Variants in GALNT7 observed in about 807,000 individuals in gnomAD.
GALNT7 encodes N-acetylgalactosaminyltransferase 7.
In GALNT7, 60 loss-of-function variants were observed where a neutral mutation model predicts 82.1. The observed-to-expected ratio is 0.73, with a 90% CI of 0.59 to 0.91. GALNT7 has a LOEUF of 0.91. Among genes scored for constraint, GALNT7 ranks in the 40% least tolerant of loss-of-function variants. The pLI, the probability that GALNT7 is intolerant of heterozygous loss-of-function variation, is 0.00. For missense variants in GALNT7, 660 were observed against 804.2 expected (o/e 0.82, Z 2.17); for synonymous variants, 243 against 275.1 (o/e 0.88, Z 1.15).
chr4:173,299,406 C>T (rs1299068158), intron 6 of GALNT7, among the ~76,000 whole-genome samples: 4 of 152,074 alleles, frequency 2.6e-5, no homozygotes, highest in Non-Finnish European at 5.9e-5. Flanking sequence ...ATTTATATTT[C>T]TGTTAATTCC....
intron 2 of GALNT7, among the ~76,000 whole-genome samples, chr4:173,252,814 G>C (rs1052017320): frequency 5.3e-5 from 8 of 152,166 alleles, no homozygotes; most frequent in African/African-American, 1.9e-4. Context: ...AGGAAAGAAT[G>C]CCATAATGTA....
chr4:173,297,978 G>T, intron 5 of GALNT7, 137 bp from the exon 6 acceptor site: 1 of 1,489,028 alleles, frequency 6.7e-7, no homozygotes, highest in African/African-American at 1.4e-5. Context: ...AACCTTATCG[G>T]TAAAGACTAT....
intron 1 of GALNT7, among the ~76,000 whole-genome samples, chr4:173,200,527 G>A (rs143318386): frequency 3.2e-4 from 49 of 152,040 alleles, no homozygotes; most frequent in African/African-American, 9.4e-4. Flanking sequence ...ATATCAGAGA[G>A]CTGACAACCT....
chr4:173,300,931 C>G (rs1159930402), intron 6 of GALNT7, among the ~76,000 whole-genome samples: 1 of 152,036 alleles, frequency 6.6e-6, no homozygotes, highest in Non-Finnish European at 1.5e-5. Context: ...CCCAGGAGTT[C>G]TAGACCAGTC....
intron 1 of GALNT7, among the ~76,000 whole-genome samples, chr4:173,226,973 A>G (rs1484096333): frequency 6.6e-6 from 1 of 152,264 alleles, no homozygotes; most frequent in African/African-American, 2.4e-5. Context: ...ACCCAGCAAC[A>G]TAATTTTCTT....
intron 2 of GALNT7, among the ~76,000 whole-genome samples, chr4:173,282,863 G>T (rs568545363): frequency 1.3e-5 from 2 of 152,300 alleles, no homozygotes; most frequent in East Asian, 3.9e-4. Flanking sequence ...GGTGTATGGG[G>T]CTTGGCTTTG....
chr4:173,213,814 G>A (rs1348856611), intron 1 of GALNT7, among the ~76,000 whole-genome samples: 1 of 151,944 alleles, frequency 6.6e-6, no homozygotes, highest in Non-Finnish European at 1.5e-5. Context: ...TTTGTTTGCT[G>A]GCCATTATGT....
At chr4:173,205,495 G>C (rs536462237) in intron 1 of GALNT7, among the ~76,000 whole-genome samples, 9 of 151,928 alleles carry the variant, frequency 5.9e-5, no homozygotes, top group African/African-American at 2.2e-4. Flanking sequence ...CTCTCTTGCT[G>C]TCTTTTTTTT....
chr4:173,313,570 C>G (rs77656469), intron 8 of GALNT7, among the ~76,000 whole-genome samples: 2 of 62,382 alleles, frequency 3.2e-5, no homozygotes, highest in African/African-American at 1.0e-4. Flanking sequence ...GACCCCATCA[C>G]AAAAAAAAAA....
intron 1 of GALNT7, among the ~76,000 whole-genome samples, chr4:173,229,472 C>T (rs1002068378): frequency 6.6e-6 from 1 of 152,098 alleles, no homozygotes; most frequent in Non-Finnish European, 1.5e-5. Flanking sequence ...CCTAGAAATT[C>T]TAGTTAAGGA....
rs369409515 is a variant in GALNT7, at chr4:173,217,975, C to T, written c.127-30005C>T. Among the ~76,000 whole-genome samples the T allele has an allele frequency of 1.3e-4, 20 of 152,270 alleles. No homozygotes were observed. The East Asian group carries it at 2.1e-3, about 16-fold the overall frequency. ...ATAAAATACAGTCATAAAGACATCCCGCTCCAGAGAGTTCTCTGATTAAAC... is the reference window on the plus strand; with the variant it reads ...ATAAAATACAGTCATAAAGACATCCTGCTCCAGAGAGTTCTCTGATTAAAC... On this transcript the variant is annotated intron_variant, in intron 1 of 11. Transcript: ENST00000265000.
At position 173,323,627 on chromosome 4, in the gene GALNT7, T is replaced by A. The variant is rs972063320; in HGVS notation, c.*1910T>A. ...ATTTTAAATGGGTACTTTGTGCAAT[T>A]CGTTAAAAGAAGATACTCTATGAAT... is the stretch of plus-strand genomic sequence containing the variant. On this transcript the variant is annotated 3_prime_UTR_variant, in exon 12 of 12. Transcript: ENST00000265000. 2 of 152,544 alleles carry A rather than the reference T, an allele frequency of 1.3e-5. No individual in the cohort carries two copies. The highest frequency in any genetic ancestry group is 6.6e-5 in the Admixed American group (1 of 15,256). The allele number at this position is 152,544 out of a possible 1,614,324, so 9.4% of individuals were successfully genotyped here.
intron 2 of GALNT7, among the ~76,000 whole-genome samples, chr4:173,271,226 G>C (rs1735709905): frequency 6.6e-6 from 1 of 152,142 alleles, no homozygotes; most frequent in Admixed American, 6.5e-5. Context: ...GAGAATAAAG[G>C]TATCAGGCTA....
At chr4:173,277,224 A>G (rs560248268) in intron 2 of GALNT7, among the ~76,000 whole-genome samples, 4 of 152,214 alleles carry the variant, frequency 2.6e-5, no homozygotes, top group Non-Finnish European at 4.4e-5. Context: ...GGGTGGTGCG[A>G]GCTACTAGTT....
chr4:173,178,054 C>T (rs201873879), intron 1 of GALNT7, among the ~76,000 whole-genome samples: 4,226 of 122,738 alleles, frequency 0.034, 187 homozygotes, highest in African/African-American at 0.14. Flanking sequence ...TGTGTGTGTG[C>T]GCGCACGCGC....
At chr4:173,304,979 A>G (rs1250152830) in intron 8 of GALNT7, among the ~76,000 whole-genome samples, 1 of 152,142 alleles carries the variant, frequency 6.6e-6, no homozygotes, top group Non-Finnish European at 1.5e-5. Context: ...TGCTGCAATG[A>G]ACAGGAGTGT....
intron 1 of GALNT7, among the ~76,000 whole-genome samples, chr4:173,213,670 G>A (rs559746960): frequency 2.2e-4 from 33 of 151,410 alleles, no homozygotes; most frequent in South Asian, 1.1e-3. Flanking sequence ...ATTATTTCTC[G>A]GTAATTTTTG....
chr4:173,233,693 A>G (rs1376754283), intron 1 of GALNT7, among the ~76,000 whole-genome samples: 1 of 152,212 alleles, frequency 6.6e-6, no homozygotes, highest in Non-Finnish European at 1.5e-5. Flanking sequence ...CCTCCCAGCC[A>G]GGCCAGTCCC....
At chr4:173,310,032 G>A (rs1737320771) in intron 8 of GALNT7, among the ~76,000 whole-genome samples, 1 of 152,160 alleles carries the variant, frequency 6.6e-6, no homozygotes, top group Non-Finnish European at 1.5e-5. Context: ...TGTGAATTTA[G>A]CATACACTTA....
Sources: gnomAD v4.1 joint callset for allele counts (sites outside exome capture counted in the v4.1 genomes callset) on GRCh38, gnomAD v4.1.1 for gene constraint, MANE v1.5 for transcripts, NCBI Gene and HGNC (gene_info 2026-07-23, HGNC 2026-07-21) for gene names.